Variants in SPACA6 observed in about 807,000 individuals in gnomAD.
SPACA6 encodes the protein sperm acrosome membrane-associated protein 6.
For missense variants in SPACA6, 8 were observed against 2.8 expected, an observed-to-expected ratio of 2.88 and a Z score of -1.34; for synonymous variants, 6 against 1.5, an observed-to-expected ratio of 4.05 and a Z score of -2.21.
chr19:51,713,080 C>A (rs2083550627), downstream of SPACA6: 1 of 229,226 alleles, frequency 4.4e-6, no homozygotes, highest in African/African-American at 2.3e-5. This position sits in a 1 kb window ranked among gnomAD's most constrained non-coding sequence, Gnocchi z 4.5. Context: ...ATCATCCATT[C>A]CCCTTAGTTC....
chr19:51,704,075 GAAGGATA>G lies in SPACA6; in HGVS notation c.620_626del (p.Glu207AlafsTer19). The G allele has an allele frequency of 5.0e-6, 2 of 401,242 alleles. No homozygotes were observed. The highest frequency in any genetic ancestry group is 4.4e-6 in the Non-Finnish European group (1 of 226,240). 24.9% of individuals were successfully genotyped at this position (401,242 alleles called of 1,614,324 possible). On this transcript the variant is annotated frameshift_variant, in exon 7 of 9. Coordinates refer to ENST00000637797, the MANE Select transcript of SPACA6 (RefSeq NM_001316972.2). LOFTEE classifies it high-confidence loss of function. ...CTATTTCCGAGATATGCCGCGGGCCGAAGGATACCTGGCGCGGATCCGGCCGGCTCAG... is the reference window on the plus strand; with the variant it reads ...CTATTTCCGAGATATGCCGCGGGCCGCCTGGCGCGGATCCGGCCGGCTCAG...
upstream of SPACA6, chr19:51,689,153 C>T (rs1160411416): frequency 1.3e-5 from 2 of 151,634 alleles, no homozygotes; most frequent in African/African-American, 4.9e-5. Context: ...CCCTTCCCTC[C>T]TCTGCGTCAG....
upstream of SPACA6, chr19:51,687,196 AG>A (rs2083331762): frequency 6.6e-6 from 1 of 152,096 alleles, no homozygotes. Context: ...TGGAAGGCAG[AG>A]GTTGCAGTGA....
chr19:51,706,403 ACT>A (rs1304321321), downstream of SPACA6, among the ~76,000 whole-genome samples: 4 of 151,458 alleles, frequency 2.6e-5, no homozygotes, highest in Admixed American at 2.0e-4. Context: ...GACTTAACTG[ACT>A]CTACCTCTCC....
At chr19:51,698,082 G>A (rs532688766) in intron 2 of SPACA6, among the ~76,000 whole-genome samples, 5 of 152,154 alleles carry the variant, frequency 3.3e-5, no homozygotes, top group South Asian at 2.1e-4. Context: ...TCATCCTCCC[G>A]CTAATTCTGT....
At chr19:51,709,453 G>A (rs1429122133), downstream of SPACA6, among the ~76,000 whole-genome samples, 2 of 149,222 alleles carry the variant, frequency 1.3e-5, no homozygotes, top group East Asian at 4.0e-4. Flanking sequence ...TGAGGCGGAG[G>A]TTGCAGTGAG....
upstream of SPACA6, chr19:51,692,616 C>T (rs777857427): frequency 5.7e-6 from 3 of 529,554 alleles, no homozygotes; most frequent in Non-Finnish European, 1.2e-5. This position sits in a 1 kb window ranked among gnomAD's most constrained non-coding sequence, Gnocchi z 5.6. Flanking sequence ...GGTCCTGGCA[C>T]CCACCCGTAG....
At chr19:51,704,642 C>G (rs2083500410) in intron 8 of SPACA6, 162 bp downstream of exon 8, 1 of 399,372 alleles carries the variant, frequency 2.5e-6, no homozygotes, top group Non-Finnish European at 4.4e-6. Context: ...TTTACTAGCC[C>G]AGGAATCCAA....
chr19:51,692,533 C>T (rs1044409126), upstream of SPACA6: 6 of 463,972 alleles, frequency 1.3e-5, no homozygotes, highest in African/African-American at 1.2e-4. This position sits in a 1 kb window ranked among gnomAD's most constrained non-coding sequence, Gnocchi z 5.6. Context: ...TCCAGGGTCC[C>T]TGATGAGGAA....
upstream of SPACA6, chr19:51,687,565 G>A (rs1030702044): frequency 6.6e-6 from 1 of 151,000 alleles, no homozygotes; most frequent in Non-Finnish European, 1.5e-5. Flanking sequence ...TGGTATATAT[G>A]TGCATAGATG....
upstream of SPACA6, among the ~76,000 whole-genome samples, chr19:51,690,092 T>C (rs1055150871): frequency 4.0e-5 from 6 of 150,506 alleles, no homozygotes; most frequent in Admixed American, 3.3e-4. Flanking sequence ...GCAGGAGATG[T>C]CTGGAGGAGG....
chr19:51,710,302 G>A (rs954229026), downstream of SPACA6, among the ~76,000 whole-genome samples: 2 of 152,184 alleles, frequency 1.3e-5, no homozygotes, highest in African/African-American at 2.4e-5. Flanking sequence ...GTGGCATTCA[G>A]TAGGTGCTTG....
Position 51,701,736 on chromosome 19 carries a change from A to C in SPACA6, c.361+10A>C. 2.5e-6 allele frequency: 1 copy of C among 398,426 alleles called. No individual in the cohort carries two copies. The highest frequency in any genetic ancestry group is 4.4e-6 in the Non-Finnish European group (1 of 225,738). 24.7% of individuals were successfully genotyped at this position (398,426 alleles called of 1,614,324 possible). A position where few individuals can be genotyped will look rare whatever the true frequency, so the allele number is the denominator to read the frequency against. On this transcript the variant is annotated intron_variant, in intron 3 of 8. Transcript: ENST00000637797. ...ACACAGCTTAAAGAAGGTAAAATACACTCCATCTCTCCTTCCCCAGACACA... is the reference window on the plus strand; with the variant it reads ...ACACAGCTTAAAGAAGGTAAAATACCCTCCATCTCTCCTTCCCCAGACACA...
chr19:51,695,355 G>A (rs924446104), intron 2 of SPACA6, among the ~76,000 whole-genome samples: 1 of 152,232 alleles, frequency 6.6e-6, no homozygotes, highest in African/African-American at 2.4e-5. Flanking sequence ...GCCAGACCCT[G>A]GAACTGTGGA....
chr19:51,702,765 A>G, intron 4 of SPACA6, 113 bp downstream of exon 4: 2 of 399,072 alleles, frequency 5.0e-6, no homozygotes, highest in East Asian at 7.1e-5. Context: ...TAGGAAGCCA[A>G]TAAGATCCCT....
upstream of SPACA6, among the ~76,000 whole-genome samples, chr19:51,684,279 C>T (rs2122169033): frequency 6.6e-6 from 1 of 152,212 alleles, no homozygotes; most frequent in South Asian, 2.1e-4. Flanking sequence ...TAGTCTGTCT[C>T]CTTGAACCTC....
chr19:51,691,720 T>G (rs1268203001), upstream of SPACA6, among the ~76,000 whole-genome samples: 1 of 135,962 alleles, frequency 7.4e-6, no homozygotes, highest in African/African-American at 2.8e-5. Context: ...AAGGTGCGCC[T>G]GGAGCAGGGG....
chr19:51,707,214 C>G (rs2083519954), downstream of SPACA6, among the ~76,000 whole-genome samples: 1 of 148,240 alleles, frequency 6.7e-6, no homozygotes, highest in African/African-American at 2.5e-5. Context: ...TAAAACAAAA[C>G]TGTTTCTCTC....
chr19:51,702,477 C>T, intron 3 of SPACA6, 152 bp from the exon 4 acceptor site: 1 of 393,962 alleles, frequency 2.5e-6, no homozygotes, highest in Non-Finnish European at 4.5e-6. Flanking sequence ...AGGTGGAACC[C>T]AGCCGGCTTG....
Sources: allele counts gnomAD v4.1 joint callset (sites outside exome capture counted in the v4.1 genomes callset), GRCh38; gene constraint gnomAD v4.1.1; non-coding constraint Gnocchi (gnomAD v3.1); transcripts MANE v1.5; gene names NCBI Gene and HGNC (gene_info 2026-07-23, HGNC 2026-07-21).